TYW1: variants seen among roughly 807,000 people sequenced by gnomAD.
TYW1 encodes the protein tRNA-yW synthesizing protein 1 homolog.
TYW1 carries 46 observed loss-of-function variants against 96.2 expected under a neutral mutation model. The observed-to-expected ratio is 0.48, with a 90% confidence interval of 0.38 to 0.61. TYW1 has a LOEUF of 0.61. Among genes scored for constraint, TYW1 ranks in the 20% least tolerant of loss-of-function variants. The pLI is 0.00. For synonymous variants in TYW1, 274 were observed against 323.0 expected (o/e 0.85, Z 1.63); for missense variants, 684 against 909.6 (o/e 0.75, Z 3.19).
At chr7:67,072,816 G>A (rs112489380) in intron 10 of TYW1, among the ~76,000 whole-genome samples, 70 of 151,966 alleles carry the variant, frequency 4.6e-4, no homozygotes, top group African/African-American at 1.4e-3. Flanking sequence ...CACCTAGGCT[G>A]GAGTACAGTG....
chr7:67,195,542 C>T (rs1484760814), intron 15 of TYW1, among the ~76,000 whole-genome samples: 2 of 152,122 alleles, frequency 1.3e-5, no homozygotes, highest in East Asian at 3.8e-4. Flanking sequence ...GTTTAGCCCT[C>T]CTCTGGACAT....
intron 13 of TYW1, among the ~76,000 whole-genome samples, chr7:67,154,351 G>T (rs1231586915): frequency 6.6e-6 from 1 of 152,172 alleles, no homozygotes; most frequent in East Asian, 1.9e-4. Context: ...TTCACTTCCA[G>T]ATATAGGACT....
chr7:67,032,305 C>A (rs149297529), intron 7 of TYW1, among the ~76,000 whole-genome samples: 1 of 151,766 alleles, frequency 6.6e-6, no homozygotes, highest in Non-Finnish European at 1.5e-5. Flanking sequence ...GGAGCAGCTG[C>A]GGGGAGGCAG....
chr7:67,028,033 G>C (rs111249403), intron 7 of TYW1, among the ~76,000 whole-genome samples: 1 of 151,176 alleles, frequency 6.6e-6, no homozygotes. Flanking sequence ...TCAGGAGCTT[G>C]AGACCAGCCT....
intron 4 of TYW1, among the ~76,000 whole-genome samples, chr7:67,011,298 A>G (rs994325353): frequency 6.6e-6 from 1 of 152,258 alleles, no homozygotes; most frequent in African/African-American, 2.4e-5. Flanking sequence ...TCGGCCTCCC[A>G]TAGTGCTGGG....
chr7:67,010,620 C>T (rs1224045718), intron 4 of TYW1, among the ~76,000 whole-genome samples: 5 of 151,928 alleles, frequency 3.3e-5, no homozygotes, highest in Non-Finnish European at 5.9e-5. Flanking sequence ...GGACTACAGG[C>T]GCCCGCCGCC....
intron 13 of TYW1, among the ~76,000 whole-genome samples, chr7:67,149,982 T>C (rs1798747496): frequency 6.6e-6 from 1 of 151,946 alleles, no homozygotes; most frequent in South Asian, 2.1e-4. Flanking sequence ...CACATTTCCC[T>C]TCTTTTCTTC....
At chr7:67,051,724 G>GTTTTTT (rs200899821) in intron 8 of TYW1, among the ~76,000 whole-genome samples, 45 of 118,098 alleles carry the variant, frequency 3.8e-4, no homozygotes, top group Non-Finnish European at 6.0e-4. Flanking sequence ...GACTGTTTTT[G>GTTTTTT]TTTTTTTGTT....
At chr7:67,190,277 C>T (rs903202398) in intron 14 of TYW1, among the ~76,000 whole-genome samples, 1 of 152,208 alleles carries the variant, frequency 6.6e-6, no homozygotes, top group Non-Finnish European at 1.5e-5. Flanking sequence ...GAGTAGAAAA[C>T]TCCTGAGTCA....
intron 13 of TYW1, among the ~76,000 whole-genome samples, chr7:67,161,485 G>C (rs978671450): frequency 6.6e-6 from 1 of 152,138 alleles, no homozygotes; most frequent in Non-Finnish European, 1.5e-5. Context: ...TGGTTTGCAG[G>C]CTCATCTTGA....
intron 6 of TYW1, among the ~76,000 whole-genome samples, chr7:67,021,244 T>G (rs1488877011): frequency 6.6e-6 from 1 of 152,298 alleles, no homozygotes; most frequent in Non-Finnish European, 1.5e-5. Context: ...ACTTCTCTGT[T>G]CAGACCATGT....
At chr7:67,135,087 C>T (rs1268705978) in intron 13 of TYW1, among the ~76,000 whole-genome samples, 1 of 151,846 alleles carries the variant, frequency 6.6e-6, no homozygotes, top group Non-Finnish European at 1.5e-5. Flanking sequence ...TGTCACTGCC[C>T]TCCAGCCTAG....
intron 13 of TYW1, among the ~76,000 whole-genome samples, chr7:67,138,289 ACT>A (rs922402997): frequency 7.2e-5 from 11 of 152,068 alleles, no homozygotes; most frequent in African/African-American, 2.7e-4. Context: ...AATAATAATA[ACT>A]CTATGAAGGA....
Position 67,039,192 on chromosome 7 carries a change from C to T in TYW1, c.985-10757C>T, listed in dbSNP as rs1256452966. Among the ~76,000 whole-genome samples, 5 of 152,060 alleles carry T rather than the reference C, an allele frequency of 3.3e-5. No homozygotes were observed. In the East Asian group the frequency reaches 9.7e-4, roughly 29 times the overall value. On this transcript the variant is annotated intron_variant, in intron 7 of 15. Transcript: ENST00000359626. Reference sequence around the variant, plus strand: ...GACAAGTAGGCCGGGTGCAGTGGCTCACTCCTGTAATCCCAGTCCTTTGGG... The same window carrying T: ...GACAAGTAGGCCGGGTGCAGTGGCTTACTCCTGTAATCCCAGTCCTTTGGG...
intron 13 of TYW1, among the ~76,000 whole-genome samples, chr7:67,128,694 T>TG (rs1344000869): frequency 5.0e-5 from 4 of 80,292 alleles, no homozygotes; most frequent in East Asian, 4.5e-4. Flanking sequence ...CTCAGTGTTT[T>TG]TTTTTTTTTT....
chr7:67,235,440 C>T (rs904266905), intron 15 of TYW1, among the ~76,000 whole-genome samples: 1 of 152,174 alleles, frequency 6.6e-6, no homozygotes, highest in African/African-American at 2.4e-5. Flanking sequence ...TCACCCCAGG[C>T]TCAGTCAAGG....
At chr7:67,000,811 A>C (rs1376953369) in intron 3 of TYW1, among the ~76,000 whole-genome samples, 1 of 152,144 alleles carries the variant, frequency 6.6e-6, no homozygotes, top group Non-Finnish European at 1.5e-5. Flanking sequence ...TTAGAGGAAA[A>C]ATCAAGGTCT....
intron 9 of TYW1, among the ~76,000 whole-genome samples, chr7:67,061,056 C>G (rs947344490): frequency 3.9e-5 from 6 of 152,100 alleles, no homozygotes; most frequent in Admixed American, 3.9e-4. Context: ...TGTGAAACCC[C>G]GTCTCTACTA....
intron 13 of TYW1, among the ~76,000 whole-genome samples, chr7:67,119,111 C>G (rs1584584915): frequency 8.9e-6 from 1 of 112,752 alleles, no homozygotes; most frequent in East Asian, 2.6e-4. Context: ...TCTGCTTTTC[C>G]ATTAATCCTC....
Sources: allele counts gnomAD v4.1 joint callset (sites outside exome capture counted in the v4.1 genomes callset), GRCh38; gene constraint gnomAD v4.1.1; transcripts MANE v1.5; gene names NCBI Gene and HGNC (gene_info 2026-07-23, HGNC 2026-07-21).